The following RPGR variants were observed in gnomAD, a reference collection of about 807,000 sequenced individuals.
RPGR encodes X-linked retinitis pigmentosa GTPase regulator.
RPGR carries 10 observed loss-of-function variants against 56.3 expected under a neutral mutation model. The ratio of observed to expected loss-of-function variants is 0.18; its 90% CI spans 0.11 to 0.30. The LOEUF is 0.30. Among genes scored for constraint, RPGR ranks in the 10% least tolerant of loss-of-function variants. The pLI is 1.00. For synonymous variants in RPGR, 197 were observed against 212.9 expected, an observed-to-expected ratio of 0.93 and a Z score of 0.65; for missense variants, 538 against 590.9, an observed-to-expected ratio of 0.91 and a Z score of 0.93.
Position 38,317,375 on chromosome X carries a change from G to A in RPGR, c.560C>T (p.Thr187Ile). 2.5e-6 allele frequency: 3 copies of A among 1,208,085 alleles called. No homozygotes were observed. Among genetic ancestry groups the A allele is most frequent in the South Asian group, 1.8e-5 (1 of 56,885 alleles). The change falls in exon 6 of 19, where the codon ACC (threonine) becomes ATC (isoleucine). Residue 187 changes from threonine to isoleucine, a missense_variant. By Grantham distance (89) the Thr-to-Ile change is moderately conservative (BLOSUM62 -1). Around this residue, in one of 2 missense-constraint regions of RPGR, gnomAD observed 181 missense variants for 265.1 expected, o/e 0.68. Transcript: ENST00000642395. ...GATCCAGGAGACAGGTTTCCCAATGGTCACTTGCTGAGGGACACAGACATT... is the reference window on the plus strand; with the variant it reads ...GATCCAGGAGACAGGTTTCCCAATGATCACTTGCTGAGGGACACAGACATT...
intron 8 of RPGR, among the ~76,000 whole-genome samples, chrX:38,303,423 G>C (rs2067539610): frequency 8.9e-6 from 1 of 111,924 alleles, no homozygotes; most frequent in Non-Finnish European, 1.9e-5. Context: ...CTTTTTATCA[G>C]GAGTAAAGGT....
intron 14 of RPGR, chrX:38,287,476 G>C (rs1334090427): frequency 1.8e-6 from 1 of 541,147 alleles, no homozygotes; most frequent in Non-Finnish European, 3.2e-6. Context: ...GTAACTGTCT[G>C]GCTTTTCTAC....
chrX:38,298,912 C>T, intron 10 of RPGR, 44 bp downstream of exon 10: 1 of 1,156,362 alleles, frequency 8.6e-7, no homozygotes. Flanking sequence ...GTTTTCTTTG[C>T]AGTGCTAGAT....
rs1461135046 is a variant in RPGR at position 38,327,387 on chromosome X, G to C, written c.-20C>G. On this transcript the variant is annotated 5_prime_UTR_variant, in exon 1 of 19. Coordinates refer to ENST00000642395, the MANE Select transcript of RPGR (RefSeq NM_000328.3). ...CCTCATGCCACGGGCAGTACGGGCA[G>C]CCTGCGCCGGGGCCAGGAGGCTGTA... is the stretch of plus-strand genomic sequence containing the variant. The C allele has an allele frequency of 8.5e-7, 1 of 1,178,902 alleles. No individual in the cohort carries two copies. The highest frequency in any genetic ancestry group is 1.1e-6 in the Non-Finnish European group (1 of 879,156).
chrX:38,295,806 G>C (rs141813834), intron 11 of RPGR, among the ~76,000 whole-genome samples: 88 of 111,102 alleles, frequency 7.9e-4, no homozygotes, highest in African/African-American at 2.8e-3. Flanking sequence ...TCTGTTCCTA[G>C]TCCCTGATTC....
chrX:38,299,263 G>A (rs184502863), intron 9 of RPGR, 122 bp from the exon 10 acceptor site: 2 of 668,382 alleles, frequency 3.0e-6, no homozygotes, highest in African/African-American at 2.2e-5. Context: ...CTGGCTTGGT[G>A]AATCTCTCTG....
rs1470540051 is a variant in RPGR, at chrX:38,314,300, T to TA, written c.619+3015dup. On this transcript the variant is annotated intron_variant, in intron 6 of 18. Transcript: ENST00000642395. ...TCTTATTTATATATAAAAAATAAAA[T>TA]AACATTTATCACAAAGAATAAATAG... Among the ~76,000 whole-genome samples, 3 of 111,621 alleles carry TA rather than the reference T, an allele frequency of 2.7e-5. No homozygotes were observed. In the Admixed American group the frequency reaches 2.9e-4, roughly 11 times the overall value.
At chrX:38,274,613 G>A (rs1214042786) in intron 17 of RPGR, among the ~76,000 whole-genome samples, 2 of 111,786 alleles carry the variant, frequency 1.8e-5, no homozygotes, top group Admixed American at 9.5e-5. Flanking sequence ...TCAGGAGTTT[G>A]AGACTCGCCT....
intron 7 of RPGR, among the ~76,000 whole-genome samples, chrX:38,309,108 T>C (rs1001625500): frequency 8.0e-5 from 9 of 112,047 alleles, no homozygotes; most frequent in Non-Finnish European, 1.7e-4. Flanking sequence ...AAAATAAATC[T>C]AATGTTGAAA....
At chrX:38,304,817 C>A (rs2067565856) in intron 7 of RPGR, 27 bp from the exon 8 acceptor site, 1 of 1,192,156 alleles carries the variant, frequency 8.4e-7, no homozygotes, top group Non-Finnish European at 1.1e-6. Flanking sequence ...AAATACAAGA[C>A]AAGGATTATG....
intron 15 of RPGR, chrX:38,285,644 T>G: frequency 1.7e-6 from 2 of 1,211,736 alleles, no homozygotes; most frequent in Non-Finnish European, 2.2e-6. Flanking sequence ...ATTTTGGACC[T>G]CTGCTCTTTC....
At chrX:38,275,280 T>G in intron 16 of RPGR, 1 of 507,241 alleles carries the variant, frequency 2.0e-6, no homozygotes, top group Admixed American at 3.0e-5. Flanking sequence ...TACTTCACTT[T>G]GCTGAGCTCT....
At position 38,286,668 on chromosome X, in the gene RPGR, C is replaced by T. The variant is rs1032517565; in HGVS notation, c.1905+426G>A. On this transcript the variant is annotated intron_variant, in intron 15 of 18. Transcript: ENST00000642395. Reference sequence around the variant, plus strand: ...TCTCCTCCTTCCCCGCTCTTTCCTCCTTTTTCCTCTCTCCTTCCTCCTTTT... The same window carrying T: ...TCTCCTCCTTCCCCGCTCTTTCCTCTTTTTTCCTCTCTCCTTCCTCCTTTT... 1.9e-4 allele frequency: 214 copies of T among 1,135,266 alleles called. No individual in the cohort carries two copies. Among genetic ancestry groups the T allele is most frequent in the Non-Finnish European group, 2.3e-4 (196 of 861,769 alleles). The allele number at this position is 1,135,266 out of a possible 1,213,427, so 93.6% of individuals were successfully genotyped here.
intron 18 of RPGR, chrX:38,273,341 C>A: frequency 9.9e-7 from 1 of 1,014,863 alleles, no homozygotes. Flanking sequence ...GTAAAACAAA[C>A]AATTGAATTC....
intron 3 of RPGR, among the ~76,000 whole-genome samples, chrX:38,321,489 C>CA (rs1210349441): frequency 1.8e-5 from 2 of 110,065 alleles, no homozygotes; most frequent in Non-Finnish European, 3.8e-5. Flanking sequence ...CCCTTCTCTA[C>CA]AAAAAAATAC....
At chrX:38,309,348 T>C (rs73192561) in intron 7 of RPGR, among the ~76,000 whole-genome samples, 3,295 of 111,833 alleles carry the variant, frequency 0.029, 62 homozygotes, top group Middle Eastern at 0.052. Flanking sequence ...AAGCTACACA[T>C]TGTAAATGTC....
At chrX:38,271,200 A>G (rs975793505) in intron 18 of RPGR, among the ~76,000 whole-genome samples, 1 of 111,942 alleles carries the variant, frequency 8.9e-6, no homozygotes, top group African/African-American at 3.2e-5. Context: ...GAGTGGAGAA[A>G]CTAGGGTAAA....
intron 6 of RPGR, among the ~76,000 whole-genome samples, chrX:38,312,678 T>C (rs761243175): frequency 8.9e-6 from 1 of 111,848 alleles, no homozygotes; most frequent in Non-Finnish European, 1.9e-5. Flanking sequence ...GTGTGATGGC[T>C]CATGCCTGTA....
intron 15 of RPGR, among the ~76,000 whole-genome samples, chrX:38,282,780 G>A (rs1332337536): frequency 2.1e-5 from 2 of 97,405 alleles, no homozygotes; most frequent in Non-Finnish European, 4.0e-5. Context: ...CTGCTGTTCA[G>A]CAGCAGCAGC....
Sources: allele counts gnomAD v4.1 joint callset (sites outside exome capture counted in the v4.1 genomes callset), GRCh38; gene constraint gnomAD v4.1.1; regional missense constraint gnomAD v4.1.1; transcripts MANE v1.5; gene names NCBI Gene and HGNC (gene_info 2026-07-23, HGNC 2026-07-21).